Variants in NTRK3 observed in about 807,000 individuals in gnomAD.
NTRK3 encodes NT-3 growth factor receptor.
Under a neutral mutation model 91.7 loss-of-function variants are expected in NTRK3, and 24 were observed. The observed-to-expected ratio is 0.26, with a 90% CI of 0.19 to 0.37. The LOEUF is 0.37. NTRK3 is among the 10% of genes least tolerant of loss of function. NTRK3 has a pLI of 1.00. For synonymous variants in NTRK3, 483 were observed against 404.0 expected, an observed-to-expected ratio of 1.20 and a Z score of -2.34; for missense variants, 880 against 1,068.9, an observed-to-expected ratio of 0.82 and a Z score of 2.46.
At chr15:88,028,755 C>T (rs758897915) in intron 14 of NTRK3, among the ~76,000 whole-genome samples, 38 of 152,040 alleles carry the variant, frequency 2.5e-4, no homozygotes, top group Non-Finnish European at 5.4e-4. Context: ...TTGCCTCTCC[C>T]CAGATGGTCT....
At chr15:88,090,222 A>T (rs1009281194) in intron 13 of NTRK3, among the ~76,000 whole-genome samples, 1 of 152,154 alleles carries the variant, frequency 6.6e-6, no homozygotes, top group African/African-American at 2.4e-5. Flanking sequence ...GCCATGTTAT[A>T]GGTTCATTTG....
rs185355830 is a variant in NTRK3, at chr15:87,879,290, A to G, written c.2292+980T>C. ...TTGTGTTTACATTTTCCCAGCAAAC[A>G]GAAGACCATAAAAAGAATTGCGATG... On this transcript the variant is annotated intron_variant, in intron 18 of 18. Transcript: ENST00000394480. 3.3e-5 allele frequency among the ~76,000 whole-genome samples: 5 copies of G among 152,342 alleles called. No individual in the cohort carries two copies. In the East Asian group the frequency reaches 5.8e-4, roughly 18 times the overall value.
chr15:87,961,252 A>G (rs1212494004), intron 14 of NTRK3, among the ~76,000 whole-genome samples: 1 of 152,188 alleles, frequency 6.6e-6, no homozygotes, highest in Non-Finnish European at 1.5e-5. Flanking sequence ...TGAATCACAG[A>G]CCAGGTTTGA....
At chr15:88,000,129 G>A (rs530810097) in intron 14 of NTRK3, among the ~76,000 whole-genome samples, 3 of 152,360 alleles carry the variant, frequency 2.0e-5, no homozygotes, top group South Asian at 4.1e-4. Flanking sequence ...GGTAATCCAG[G>A]AGTGGAAGTC....
intron 3 of NTRK3, among the ~76,000 whole-genome samples, chr15:88,193,096 C>T (rs2047540620): frequency 1.3e-5 from 2 of 152,280 alleles, no homozygotes; most frequent in South Asian, 2.1e-4. Flanking sequence ...AGTAAGTATA[C>T]ACCTGGAAAG....
intron 3 of NTRK3, among the ~76,000 whole-genome samples, chr15:88,186,633 C>T (rs777073349): frequency 2.6e-5 from 4 of 152,174 alleles, no homozygotes; most frequent in Non-Finnish European, 5.9e-5. Context: ...ATAGCATTTA[C>T]ATTTTTAAAA....
chr15:87,956,223 A>C (rs571978871), intron 14 of NTRK3, among the ~76,000 whole-genome samples: 1 of 152,346 alleles, frequency 6.6e-6, no homozygotes, highest in South Asian at 2.1e-4. Context: ...AAAAGTGCCC[A>C]AATAACATAC....
At chr15:88,101,804 G>T (rs1337650363) in intron 13 of NTRK3, among the ~76,000 whole-genome samples, 2 of 152,084 alleles carry the variant, frequency 1.3e-5, no homozygotes, top group East Asian at 3.9e-4. Flanking sequence ...ACTCATAGGT[G>T]GGAATTGAAC....
intron 13 of NTRK3, among the ~76,000 whole-genome samples, chr15:88,075,593 C>A (rs1219484105): frequency 6.6e-6 from 1 of 151,852 alleles, no homozygotes; most frequent in Non-Finnish European, 1.5e-5. Context: ...TCCCTTTTTT[C>A]TTTATGTTTG....
chr15:88,252,826 G>A (rs963681715), intron 3 of NTRK3: 2 of 152,252 alleles, frequency 1.3e-5, no homozygotes, highest in Non-Finnish European at 2.9e-5. Flanking sequence ...GAGGGGTGGA[G>A]GTGAGACCCA....
At chr15:88,250,858 T>A (rs1485729713) in intron 3 of NTRK3, among the ~76,000 whole-genome samples, 1 of 152,262 alleles carries the variant, frequency 6.6e-6, no homozygotes, top group Non-Finnish European at 1.5e-5. Context: ...ATATCTATTA[T>A]CTATACATTA....
At chr15:88,109,538 G>A (rs1403205013) in intron 13 of NTRK3, among the ~76,000 whole-genome samples, 1 of 152,164 alleles carries the variant, frequency 6.6e-6, no homozygotes, top group Non-Finnish European at 1.5e-5. Flanking sequence ...CGTCGTGGGA[G>A]CCCAATAAAG....
intron 17 of NTRK3, among the ~76,000 whole-genome samples, chr15:87,922,215 T>C (rs2067931031): frequency 1.3e-5 from 2 of 152,328 alleles, no homozygotes; most frequent in South Asian, 2.1e-4. Context: ...ACCACTTGAC[T>C]TTCATCTGAG....
At chr15:88,067,640 GCT>G (rs1236738270) in intron 13 of NTRK3, among the ~76,000 whole-genome samples, 1 of 152,200 alleles carries the variant, frequency 6.6e-6, no homozygotes, top group Non-Finnish European at 1.5e-5. Context: ...GGGGCTGAAG[GCT>G]CTCTAGACCT....
chr15:88,147,803 CA>C (rs1293207810), intron 5 of NTRK3, among the ~76,000 whole-genome samples: 1 of 152,082 alleles, frequency 6.6e-6, no homozygotes, highest in East Asian at 1.9e-4. Context: ...GCACACAGGT[CA>C]AAAAACTCTG....
At chr15:88,183,514 A>C in intron 4 of NTRK3, 25 bp from the exon 5 acceptor site, 1 of 1,609,652 alleles carries the variant, frequency 6.2e-7, no homozygotes. Flanking sequence ...AAAGAGGATC[A>C]GCAGAGCTCA....
chr15:88,087,497 G>T (rs1323877292), intron 13 of NTRK3, among the ~76,000 whole-genome samples: 1 of 152,200 alleles, frequency 6.6e-6, no homozygotes, highest in Non-Finnish European at 1.5e-5. Context: ...AGAAAGCACT[G>T]TTGCAAGTGG....
intron 13 of NTRK3, among the ~76,000 whole-genome samples, chr15:88,057,634 T>C (rs1369936642): frequency 6.6e-6 from 1 of 152,228 alleles, no homozygotes; most frequent in Non-Finnish European, 1.5e-5. Context: ...TACATTGCTA[T>C]TGACTACAAC....
intron 13 of NTRK3, among the ~76,000 whole-genome samples, chr15:88,125,131 AC>A (rs1366594571): frequency 2.0e-5 from 3 of 152,038 alleles, no homozygotes; most frequent in Non-Finnish European, 4.4e-5. Flanking sequence ...AGGGTTTTCT[AC>A]CCTTCTAATC....
Sources: allele counts gnomAD v4.1 joint callset (sites outside exome capture counted in the v4.1 genomes callset), GRCh38; gene constraint gnomAD v4.1.1; transcripts MANE v1.5; gene names NCBI Gene and HGNC (gene_info 2026-07-23, HGNC 2026-07-21).